The following IGSF10 variants were observed in gnomAD, a reference collection of about 807,000 sequenced individuals.
IGSF10 encodes calvaria mechanical force protein 608.
A neutral mutation model predicts 128.2 loss-of-function variants in IGSF10; 126 were observed. That is an observed-to-expected ratio of 0.98 (90% confidence interval 0.85 to 1.14). The LOEUF (loss-of-function observed/expected upper bound fraction) is 1.14. Ranked by LOEUF, IGSF10 falls within the 50% of genes most tolerant of loss-of-function variation. IGSF10 has a pLI of 0.00. For synonymous variants in IGSF10, 1,185 were observed against 1,146.2 expected, an observed-to-expected ratio of 1.03 and a Z score of -0.68; for missense variants, 3,295 against 3,149.8, an observed-to-expected ratio of 1.05 and a Z score of -1.10.
chr3:151,478,488 G>A, the IGSF10 span, among the ~76,000 whole-genome samples: 8 of 152,106 alleles, frequency 5.3e-5, no homozygotes, highest in African/African-American at 1.9e-4. Context: ...AGTTTCTTGT[G>A]CAGTATTCCA....
the IGSF10 span, among the ~76,000 whole-genome samples, chr3:151,606,563 G>C: frequency 6.6e-6 from 1 of 152,140 alleles, no homozygotes; most frequent in African/African-American, 2.4e-5. Context: ...GGCTGATCAG[G>C]TCCCTGCTCC....
the IGSF10 span, among the ~76,000 whole-genome samples, chr3:151,527,548 A>G: frequency 6.6e-6 from 1 of 152,214 alleles, no homozygotes; most frequent in Non-Finnish European, 1.5e-5. Context: ...TTGACTGAAA[A>G]AGGAACAAAT....
chr3:151,590,109 G>A, the IGSF10 span, among the ~76,000 whole-genome samples: 6 of 152,128 alleles, frequency 3.9e-5, no homozygotes, highest in East Asian at 1.2e-3. Context: ...TGCAGTCATG[G>A]CTCACTGCAG....
the IGSF10 span, among the ~76,000 whole-genome samples, chr3:151,583,822 A>T: frequency 6.6e-6 from 1 of 152,180 alleles, no homozygotes; most frequent in Non-Finnish European, 1.5e-5. Context: ...ACTATAATCA[A>T]ATAATATATT....
Position 151,448,690 on chromosome 3 carries a change from G to A in IGSF10, c.1291C>T (p.Gln431Ter), listed in dbSNP as rs1194571628. The change falls in exon 6 of 8, where the codon CAA (glutamine) becomes TAA (stop). Residue 431 changes from glutamine to a stop codon, truncating the protein, a stop_gained. Coordinates refer to ENST00000282466, the MANE Select transcript of IGSF10 (RefSeq NM_178822.5). LOFTEE classifies it high-confidence loss of function. ...TTCAGCTGCAAGGAAATTTGGTCTT[G>A]CATTAACCAAGAGGGATCTGCTCTG... ...DLRADPSWLMQDQISLQLNRT... is the reference protein window; with the variant it reads ...DLRADPSWLM 2 of 1,614,120 alleles carry A rather than the reference G, an allele frequency of 1.2e-6. No homozygotes were observed. The highest frequency in any genetic ancestry group is 2.2e-5 in the East Asian group (1 of 44,884).
At chr3:151,514,554 T>C in the IGSF10 span, among the ~76,000 whole-genome samples, 1 of 152,142 alleles carries the variant, frequency 6.6e-6, no homozygotes, top group Non-Finnish European at 1.5e-5. Flanking sequence ...GACATAGGCA[T>C]GGGGAAGAAC....
In IGSF10 at chr3:151,437,906, T is replaced by C. The variant is rs768387685; in HGVS notation, c.6655A>G (p.Ser2219Gly). The change falls in exon 8 of 8, where the codon AGT becomes GGT. Residue 2219 changes from serine to glycine, a missense_variant. Physicochemically the swap from Ser to Gly is moderately conservative, Grantham distance 56. Coordinates refer to ENST00000282466, the MANE Select transcript of IGSF10 (RefSeq NM_178822.5). ...TTGTACATTTTGGTGTCATCCCCAC[T>C]GGGATTTCGGGCTACACATACGTAC... ...GEYVCVARNP[S>G]GDDTKMYKLD... The C allele has an allele frequency of 1.9e-6, 3 of 1,614,150 alleles. No homozygotes were observed. The highest frequency in any genetic ancestry group is 2.2e-5 in the South Asian group (2 of 91,080).
intron 5 of IGSF10, among the ~76,000 whole-genome samples, chr3:151,450,649 C>A (rs1182454438): frequency 1.4e-4 from 22 of 152,082 alleles, no homozygotes; most frequent in African/African-American, 4.8e-4. Context: ...GTAACCTCAG[C>A]ACTTTGGGAG....
Position 151,437,317 on chromosome 3 carries a change from T to C in IGSF10, c.7244A>G (p.Asn2415Ser), listed in dbSNP as rs1720404411. 2 of 1,614,106 alleles carry C rather than the reference T, an allele frequency of 1.2e-6. No individual in the cohort carries two copies. Among genetic ancestry groups the C allele is most frequent in the Admixed American group, 1.7e-5 (1 of 60,016 alleles). The change falls in exon 8 of 8, where the codon AAT (asparagine) becomes AGT (serine). Residue 2415 changes from asparagine to serine, a missense_variant. Asn to Ser is a conservative substitution (Grantham distance 46, BLOSUM62 1). Transcript: ENST00000282466. Reference protein sequence around the residue: ...DAGKYRCAARNKVGYIEKLVI... With the variant: ...DAGKYRCAARSKVGYIEKLVI... ...TAATTTCTCAATATAGCCAACTTTA[T>C]TCCTAGCTGCACAGCGATATTTTCC...
chr3:151,457,256 A>C, intron 3 of IGSF10, 101 bp from the exon 4 acceptor site: 1 of 1,071,264 alleles, frequency 9.3e-7, no homozygotes, highest in South Asian at 1.5e-5. Context: ...ACCTCTCTTT[A>C]TAACTGTACT....
downstream of IGSF10, chr3:151,435,062 C>CTTTTTTTTTTTTTTTTTT (rs66791814): frequency 1.7e-5 from 2 of 119,082 alleles, no homozygotes; most frequent in Non-Finnish European, 3.5e-5. Context: ...TGAGAGGTTT[C>CTTTTTTTTTTTTTTTTTT]TTTTTTTTTT....
chr3:151,579,881 AG>A, the IGSF10 span, among the ~76,000 whole-genome samples: 48 of 148,884 alleles, frequency 3.2e-4, no homozygotes, highest in East Asian at 2.0e-3. Context: ...AAGGAAAGGA[AG>A]GAAGGAAGGA....
In IGSF10 at chr3:151,453,636, G is replaced by C. The variant is rs773556251; in HGVS notation, c.463C>G (p.Leu155Val). 1.2e-6 allele frequency: 2 copies of C among 1,613,998 alleles called. No individual in the cohort carries two copies. Among genetic ancestry groups the C allele is most frequent in the African/African-American group, 2.7e-5 (2 of 74,920 alleles). ...NPEVFYGLNF[L>V]RLVHLEGNQL... ...TTTCCTTCCAAGTGCACCAGGCGGAGAAAGTTGAGCCCATAAAAAACCTCT... is the reference window on the plus strand; with the variant it reads ...TTTCCTTCCAAGTGCACCAGGCGGACAAAGTTGAGCCCATAAAAAACCTCT... The change falls in exon 5 of 8, where the codon CTC becomes GTC. Residue 155 changes from leucine (L) to valine (V), a missense_variant. Transcript: ENST00000282466.
chr3:151,506,106 T>C, the IGSF10 span, among the ~76,000 whole-genome samples: 124,451 of 152,052 alleles, frequency 0.82, 51,012 homozygotes, highest in Middle Eastern at 0.93. Context: ...CACACGCCAC[T>C]ACGCTCAGCT....
At chr3:151,547,052 C>A in the IGSF10 span, among the ~76,000 whole-genome samples, 1 of 152,054 alleles carries the variant, frequency 6.6e-6, no homozygotes, top group Non-Finnish European at 1.5e-5. Context: ...GGATTACAGG[C>A]GTGAACCACC....
chr3:151,438,029 G>C lies in IGSF10; in HGVS notation c.6532C>G (p.Pro2178Ala). 1 of 1,614,186 alleles carries C rather than the reference G, an allele frequency of 6.2e-7. No homozygotes were observed. Among genetic ancestry groups the C allele is most frequent in the South Asian group, 1.1e-5 (1 of 91,078 alleles). The change falls in exon 8 of 8, where the codon CCT becomes GCT. Residue 2178 changes from proline to alanine, a missense_variant. Transcript: ENST00000282466. ...GAGAAGGAAATCATGTCATTGGAAGGCAGCAACCAAAATATTTTTGGTTTG... is the reference window on the plus strand; with the variant it reads ...GAGAAGGAAATCATGTCATTGGAAGCCAGCAACCAAAATATTTTTGGTTTG... ...DPKPKIFWLL[P>A]SNDMISFSID... is the part of the protein sequence containing the mutation.
the IGSF10 span, among the ~76,000 whole-genome samples, chr3:151,562,666 C>T: frequency 6.6e-6 from 1 of 152,190 alleles, no homozygotes; most frequent in African/African-American, 2.4e-5. Flanking sequence ...GATTACACAA[C>T]TTGTTAGTAC....
At chr3:151,517,926 A>C in the IGSF10 span, among the ~76,000 whole-genome samples, 2 of 152,058 alleles carry the variant, frequency 1.3e-5, no homozygotes, top group Admixed American at 1.3e-4. Context: ...TATAACCTGA[A>C]GTCCTTGTTC....
chr3:151,487,317 T>G, the IGSF10 span, among the ~76,000 whole-genome samples: 2 of 152,004 alleles, frequency 1.3e-5, no homozygotes, highest in African/African-American at 4.8e-5. Flanking sequence ...AATAACAAGT[T>G]CTGAAATTGA....
Sources: gnomAD v4.1 joint callset for allele counts (sites outside exome capture counted in the v4.1 genomes callset) on GRCh38, gnomAD v4.1.1 for gene constraint, MANE v1.5 for transcripts, NCBI Gene and HGNC (gene_info 2026-07-23, HGNC 2026-07-21) for gene names.